Variants in ECD observed in about 807,000 individuals in gnomAD.
ECD encodes protein ecdysoneless homolog.
A neutral mutation model predicts 77.2 loss-of-function variants in ECD; 59 were observed. The observed-to-expected ratio is 0.76, with a 90% CI of 0.62 to 0.95. The LOEUF is 0.95. Ranked by LOEUF, ECD falls within the 40% of genes least tolerant of loss-of-function variation. ECD has a pLI of 0.00. For missense variants in ECD, 704 were observed against 763.4 expected (o/e 0.92, Z 0.92); for synonymous variants, 233 against 267.4 (o/e 0.87, Z 1.26).
At position 73,142,430 on chromosome 10, in the gene ECD, C is replaced by T. The variant is rs893244848; in HGVS notation, c.1128-2693G>A. Among the ~76,000 whole-genome samples, 4 of 151,800 alleles carry T rather than the reference C, an allele frequency of 2.6e-5. No individual in the cohort carries two copies. The East Asian group carries it at 5.8e-4, about 22-fold the overall frequency. ...GAGGGCAGATCACAGGTCAGGAGAT[C>T]GAGACCATCCTGGCCAACATGGTGA... On this transcript the variant is annotated intron_variant, in intron 9 of 13. Transcript: ENST00000372979.
intron 5 of ECD, among the ~76,000 whole-genome samples, chr10:73,154,652 G>T (rs990380158): frequency 2.6e-5 from 4 of 152,146 alleles, no homozygotes; most frequent in African/African-American, 9.7e-5. Context: ...GGAAAATAAA[G>T]AAAAGGGATT....
chr10:73,151,561 C>T (rs1036162840), intron 7 of ECD, among the ~76,000 whole-genome samples: 2 of 151,126 alleles, frequency 1.3e-5, no homozygotes, highest in African/African-American at 4.9e-5. Flanking sequence ...ACATTCCTAT[C>T]AATGTCTAGA....
In ECD at chr10:73,160,916, G is replaced by C. The variant is rs1381183261; in HGVS notation, c.206-365C>G. On this transcript the variant is annotated intron_variant, in intron 2 of 13. Coordinates refer to ENST00000372979, the MANE Select transcript of ECD (RefSeq NM_007265.3). Reference sequence around the variant, plus strand: ...ATGATGTATAGAGTATGTATGTATAGAGTATTCTGGGAATACCAGGACGCT... The same window carrying C: ...ATGATGTATAGAGTATGTATGTATACAGTATTCTGGGAATACCAGGACGCT... Among the ~76,000 whole-genome samples the C allele has an allele frequency of 6.6e-5, 10 of 152,304 alleles. No individual in the cohort carries two copies. The East Asian group carries it at 1.9e-3, about 29-fold the overall frequency.
At chr10:73,141,034 C>T (rs999195799) in intron 9 of ECD, among the ~76,000 whole-genome samples, 12 of 152,076 alleles carry the variant, frequency 7.9e-5, no homozygotes, top group Middle Eastern at 3.4e-3. Flanking sequence ...ACTTTAAATA[C>T]ATTTTCTTAT....
chr10:73,156,299 G>C lies in ECD; in HGVS notation c.566C>G (p.Ala189Gly), dbSNP rs769970350. The change falls in exon 5 of 14, where the codon GCT becomes GGT. Residue 189 changes from alanine (A) to glycine (G), a missense_variant. By Grantham distance (60) the Ala-to-Gly change is moderately conservative (BLOSUM62 0). Transcript: ENST00000372979. ...CCCTCTGATGCGCCTATTCACAGCA[G>C]CTCGTATAGATTCTGAAGCAAGTAT... Reference protein sequence around the residue: ...EKILASESIRAAVNRRIRGYP... With the variant: ...EKILASESIRGAVNRRIRGYP... 2 of 1,605,828 alleles carry C rather than the reference G, an allele frequency of 1.2e-6. No homozygotes were observed. Among genetic ancestry groups the C allele is most frequent in the Admixed American group, 3.4e-5 (2 of 57,972 alleles).
rs777720562 is a variant in ECD at position 73,134,828 on chromosome 10, G to C, written c.1705-15C>G. On this transcript the variant is annotated splice_polypyrimidine_tract_variant and intron_variant, in intron 13 of 13. Coordinates refer to ENST00000372979, the MANE Select transcript of ECD (RefSeq NM_007265.3). ...GATACAGGTTCCTTATTCATAGAGGGAAAAGAAAATTATGGGCTAATGTAT... is the reference window on the plus strand; with the variant it reads ...GATACAGGTTCCTTATTCATAGAGGCAAAAGAAAATTATGGGCTAATGTAT... 5.6e-6 allele frequency: 9 copies of C among 1,608,058 alleles called. No homozygotes were observed. The highest frequency in any genetic ancestry group is 1.7e-5 in the Admixed American group (1 of 59,860).
chr10:73,147,256 C>A (rs1447079036), intron 8 of ECD, among the ~76,000 whole-genome samples: 2 of 151,046 alleles, frequency 1.3e-5, no homozygotes, highest in Non-Finnish European at 3.0e-5. Context: ...ACAATAACAA[C>A]AACAGTAATA....
Position 73,138,019 on chromosome 10 carries a change from A to C in ECD, c.1473T>G (p.Tyr491Ter). The C allele has an allele frequency of 2.5e-6, 4 of 1,597,636 alleles. No homozygotes were observed. The highest frequency in any genetic ancestry group is 3.4e-6 in the Non-Finnish European group (4 of 1,174,734). Residue 491 changes from tyrosine to a stop codon, truncating the protein, a stop_gained, in exon 12 of 14, where the codon TAT becomes TAG. Transcript: ENST00000372979. LOFTEE classifies it high-confidence loss of function. ...ACTACTTACCTAAAATCTTATCAAA[A>C]TAATTAAGAAAAGAATCTGCATCAA... ...ITFDADSFLNYFDKILGPRPN... is the reference protein window; with the variant it reads ...ITFDADSFLN
intron 6 of ECD, among the ~76,000 whole-genome samples, chr10:73,153,384 T>C (rs934137443): frequency 3.3e-5 from 5 of 149,494 alleles, no homozygotes; most frequent in African/African-American, 1.2e-4. Flanking sequence ...TGAGCCACCA[T>C]GCCCGGCCAA....
At chr10:73,145,624 G>C (rs1001809747) in intron 9 of ECD, among the ~76,000 whole-genome samples, 8 of 151,350 alleles carry the variant, frequency 5.3e-5, no homozygotes, top group Admixed American at 2.0e-4. Context: ...AGTAAATTAT[G>C]GGGGTACATC....
intron 8 of ECD, among the ~76,000 whole-genome samples, 198 bp from the exon 9 acceptor site, chr10:73,146,559 A>G (rs1843131671): frequency 6.6e-6 from 1 of 152,204 alleles, no homozygotes; most frequent in African/African-American, 2.4e-5. Context: ...GGCTAGATGT[A>G]GTGATTCCTA....
intron 9 of ECD, among the ~76,000 whole-genome samples, chr10:73,142,520 G>A (rs1026052784): frequency 6.6e-6 from 1 of 151,372 alleles, no homozygotes; most frequent in Admixed American, 6.6e-5. Flanking sequence ...TGTAGTCCCA[G>A]CTACTCAGGA....
At chr10:73,146,196 G>T (rs894423343) in intron 9 of ECD, 80 bp downstream of exon 9, 5 of 690,100 alleles carry the variant, frequency 7.2e-6, no homozygotes, top group Non-Finnish European at 8.1e-6. Context: ...AAATAAATAA[G>T]AATAATAAAT....
chr10:73,140,898 A>G (rs1471746767), intron 9 of ECD, among the ~76,000 whole-genome samples: 4 of 151,450 alleles, frequency 2.6e-5, no homozygotes, highest in Non-Finnish European at 5.9e-5. Flanking sequence ...ACATATACAT[A>G]TAAAACACGT....
chr10:73,145,417 G>A (rs1427245610), intron 9 of ECD, among the ~76,000 whole-genome samples: 1 of 151,962 alleles, frequency 6.6e-6, no homozygotes, highest in East Asian at 1.9e-4. Flanking sequence ...AAAAGTCTAC[G>A]ATATTAATTC....
chr10:73,166,413 T>C (rs971468623), intron 1 of ECD, among the ~76,000 whole-genome samples: 8 of 152,198 alleles, frequency 5.3e-5, no homozygotes, highest in Non-Finnish European at 7.4e-5. Flanking sequence ...CTGTTCTCCA[T>C]AGTGACTGCA....
intron 11 of ECD, among the ~76,000 whole-genome samples, chr10:73,138,800 C>T (rs1468016883): frequency 6.6e-6 from 1 of 152,202 alleles, no homozygotes; most frequent in Non-Finnish European, 1.5e-5. Flanking sequence ...CTCCTGACTT[C>T]GTGATCTGCC....
Position 73,138,579 on chromosome 10 carries a change from T to G in ECD, c.1422-509A>C, listed in dbSNP as rs572114027. Among the ~76,000 whole-genome samples the G allele has an allele frequency of 5.6e-4, 86 of 152,290 alleles. 1 individual carries two copies. The highest frequency in any genetic ancestry group is 1.7e-3 in the African/African-American group (72 of 41,566). ...GTAACAGTTTTTTTTGTTTTGTTTT[T>G]TTTTTGAGACGGAGTCTTGCTCTGT... On this transcript the variant is annotated intron_variant, in intron 11 of 13. Coordinates refer to ENST00000372979, the MANE Select transcript of ECD (RefSeq NM_007265.3).
chr10:73,145,174 GC>G (rs1470454763), intron 9 of ECD, among the ~76,000 whole-genome samples: 2 of 152,026 alleles, frequency 1.3e-5, no homozygotes, highest in African/African-American at 4.8e-5. Context: ...GACCAGTCTG[GC>G]CAACATGGTG....
Sources: gnomAD v4.1 joint callset for allele counts (sites outside exome capture counted in the v4.1 genomes callset) on GRCh38, gnomAD v4.1.1 for gene constraint, MANE v1.5 for transcripts, NCBI Gene and HGNC (gene_info 2026-07-23, HGNC 2026-07-21) for gene names.